The following GRIA4 variants were observed in gnomAD, a reference collection of about 807,000 sequenced individuals.
GRIA4 encodes glutamate ionotropic receptor AMPA type subunit 4, also known as glutamate receptor 4.
In GRIA4, 34 loss-of-function variants were observed where a neutral mutation model predicts 104.0. The observed-to-expected ratio is 0.33, with a 90% confidence interval of 0.25 to 0.44. GRIA4 has a LOEUF of 0.44. GRIA4 is among the 20% of genes least tolerant of loss of function. GRIA4 has a pLI of 1.00. For synonymous variants in GRIA4, 386 were observed against 381.9 expected (o/e 1.01, Z -0.13); for missense variants, 750 against 1,096.5 (o/e 0.68, Z 4.46).
rs144344324 is a variant in GRIA4, at chr11:105,746,139, T to C, written c.248-6842T>C. ...GTTTGCATGCTTGTGTGTGTGTGTG[T>C]ATTGTAGGTAGGAAAAAAGACAAGT... On this transcript the variant is annotated intron_variant, in intron 3 of 16. Coordinates refer to ENST00000282499, the MANE Select transcript of GRIA4 (RefSeq NM_000829.4). Among the ~76,000 whole-genome samples, 1,448 of 152,118 alleles carry C rather than the reference T, an allele frequency of 9.5e-3. 31 individuals are homozygous for C. Among genetic ancestry groups the C allele is most frequent in the African/African-American group, 0.033 (1,381 of 41,532 alleles).
At chr11:105,794,693 C>G (rs908359658) in intron 4 of GRIA4, among the ~76,000 whole-genome samples, 1 of 149,694 alleles carries the variant, frequency 6.7e-6, no homozygotes, top group Non-Finnish European at 1.5e-5. Context: ...TAAGACAGAT[C>G]TGAGACCTGT....
At chr11:105,874,824 G>A (rs568322445) in intron 5 of GRIA4, among the ~76,000 whole-genome samples, 2 of 152,286 alleles carry the variant, frequency 1.3e-5, no homozygotes, top group South Asian at 4.2e-4. Context: ...CTGAGAAGAT[G>A]GGGTTTTCTA....
chr11:105,780,979 C>T (rs1390500476), intron 4 of GRIA4, among the ~76,000 whole-genome samples: 3 of 152,164 alleles, frequency 2.0e-5, no homozygotes, highest in Non-Finnish European at 4.4e-5. Context: ...CAACCTCTAG[C>T]TCATGTCACT....
intron 15 of GRIA4, 127 bp from the exon 16 acceptor site, chr11:105,974,183 T>C: frequency 1.1e-6 from 1 of 898,122 alleles, no homozygotes; most frequent in South Asian, 1.6e-5. Flanking sequence ...ATCAGTGACT[T>C]ATACTTGTAA....
chr11:105,735,038 A>G (rs956252971), intron 3 of GRIA4, among the ~76,000 whole-genome samples: 1 of 152,178 alleles, frequency 6.6e-6, no homozygotes, highest in East Asian at 1.9e-4. Context: ...ATCATGTAAC[A>G]TGCTTTACTT....
At chr11:105,750,829 G>A (rs1433559914) in intron 3 of GRIA4, among the ~76,000 whole-genome samples, 1 of 152,010 alleles carries the variant, frequency 6.6e-6, no homozygotes, top group Non-Finnish European at 1.5e-5. Context: ...GAGGGTGGAA[G>A]GGAAGGATAC....
At chr11:105,794,510 T>TAC (rs1357410077) in intron 4 of GRIA4, among the ~76,000 whole-genome samples, 27 of 121,650 alleles carry the variant, frequency 2.2e-4, no homozygotes, top group South Asian at 7.9e-4. Context: ...TATATATATA[T>TAC]ATACATATAC....
chr11:105,878,972 C>T (rs1214619137), intron 5 of GRIA4, among the ~76,000 whole-genome samples: 2 of 152,186 alleles, frequency 1.3e-5, no homozygotes, highest in Non-Finnish European at 2.9e-5. Context: ...TCAGTGTCTG[C>T]CCAAATGGCT....
chr11:105,924,638 G>C lies in GRIA4; in HGVS notation c.1716G>C (p.Glu572Asp). ...TAGTTAGTAGATTTAGTCCATATGA[G>C]TGGCACACAGAAGAGCCAGAGGACG... is the stretch of plus-strand genomic sequence containing the variant. ...LFLVSRFSPY[E>D]WHTEEPEDGK... Residue 572 changes from glutamate (E) to aspartate (D), a missense_variant, in exon 12 of 17, where the codon GAG (glutamate) becomes GAC (aspartate). This residue lies in a region of GRIA4 where 272 missense variants were observed against 524.5 expected (regional missense o/e 0.52). Transcript: ENST00000282499. 6.2e-7 allele frequency: 1 copy of C among 1,613,064 alleles called. No homozygotes were observed. The highest frequency in any genetic ancestry group is 8.5e-7 in the Non-Finnish European group (1 of 1,179,398).
intron 3 of GRIA4, among the ~76,000 whole-genome samples, chr11:105,653,207 G>A (rs555961235): frequency 6.0e-4 from 92 of 152,272 alleles, no homozygotes; most frequent in African/African-American, 2.0e-3. Flanking sequence ...CACCGCACCC[G>A]GCCTTTTCTT....
intron 3 of GRIA4, among the ~76,000 whole-genome samples, chr11:105,638,175 G>T (rs1182293538): frequency 6.6e-6 from 1 of 152,066 alleles, no homozygotes; most frequent in Non-Finnish European, 1.5e-5. Context: ...TTCCCCCAAA[G>T]AAATCCCAAA....
chr11:105,702,264 A>G (rs1337139512), intron 3 of GRIA4, among the ~76,000 whole-genome samples: 1 of 152,170 alleles, frequency 6.6e-6, no homozygotes, highest in Non-Finnish European at 1.5e-5. Flanking sequence ...TACACTTTCA[A>G]TGATAAACCA....
chr11:105,649,616 T>A (rs1236713321), intron 3 of GRIA4, among the ~76,000 whole-genome samples: 1 of 152,164 alleles, frequency 6.6e-6, no homozygotes, highest in Non-Finnish European at 1.5e-5. Context: ...GCCTATTTCA[T>A]AACAAATTAG....
intron 3 of GRIA4, among the ~76,000 whole-genome samples, chr11:105,632,222 G>C (rs920895337): frequency 2.6e-5 from 4 of 152,182 alleles, no homozygotes; most frequent in African/African-American, 9.7e-5. Flanking sequence ...CTGAATTAAA[G>C]TCTTACTCCT....
rs1859225646 is a variant in GRIA4, at chr11:105,980,823, C to T, written c.*1084C>T. On this transcript the variant is annotated 3_prime_UTR_variant, in exon 17 of 17. Coordinates refer to ENST00000282499, the MANE Select transcript of GRIA4 (RefSeq NM_000829.4). ...GCCATAGTGGAAAATGTAGCTAGCC[C>T]TCATTATTTTTTGCATACTAAGCTA... The T allele has an allele frequency of 6.6e-6, 1 of 152,562 alleles. No individual in the cohort carries two copies. The highest frequency in any genetic ancestry group is 1.5e-5 in the Non-Finnish European group (1 of 68,046). 9.5% of individuals were successfully genotyped at this position (152,562 alleles called of 1,614,324 possible). A position where few individuals can be genotyped will look rare whatever the true frequency, so the allele number is the denominator to read the frequency against.
intron 3 of GRIA4, among the ~76,000 whole-genome samples, chr11:105,691,716 C>T (rs1953090119): frequency 6.6e-6 from 1 of 151,904 alleles, no homozygotes; most frequent in Non-Finnish European, 1.5e-5. Context: ...GTGGGCGAAT[C>T]AGGGGGTCAA....
intron 3 of GRIA4, among the ~76,000 whole-genome samples, chr11:105,715,132 T>C (rs1954047234): frequency 6.6e-6 from 1 of 152,160 alleles, no homozygotes. Context: ...ATCAGCGTAG[T>C]CAATAAACAG....
intron 4 of GRIA4, among the ~76,000 whole-genome samples, chr11:105,818,520 T>A (rs1300563736): frequency 6.6e-6 from 1 of 152,188 alleles, no homozygotes; most frequent in Non-Finnish European, 1.5e-5. Flanking sequence ...TCAATTAATA[T>A]TTTATTACAT....
intron 3 of GRIA4, among the ~76,000 whole-genome samples, chr11:105,690,984 G>T (rs995182231): frequency 2.0e-5 from 3 of 152,066 alleles, no homozygotes; most frequent in Admixed American, 6.6e-5. Context: ...AAAATAGGAA[G>T]GGCCAGTTTT....
Sources: gnomAD v4.1 joint callset for allele counts (sites outside exome capture counted in the v4.1 genomes callset) on GRCh38, gnomAD v4.1.1 for gene constraint, gnomAD v4.1.1 regional missense constraint, MANE v1.5 for transcripts, NCBI Gene and HGNC (gene_info 2026-07-23, HGNC 2026-07-21) for gene names.